Variants in ASIC2 observed in about 807,000 individuals in gnomAD.
ASIC2 encodes acid-sensing ion channel 2.
In ASIC2, 25 loss-of-function variants were observed where a neutral mutation model predicts 57.3. The ratio of observed to expected loss-of-function variants is 0.44; its 90% CI spans 0.32 to 0.61. The LOEUF is 0.61. Ranked by LOEUF, ASIC2 falls within the 20% of genes least tolerant of loss-of-function variation. The pLI, the probability that ASIC2 is intolerant of heterozygous loss-of-function variation, is 0.06. For synonymous variants in ASIC2, 319 were observed against 307.5 expected, an observed-to-expected ratio of 1.04 and a Z score of -0.39; for missense variants, 641 against 738.1, an observed-to-expected ratio of 0.87 and a Z score of 1.52.
chr17:34,096,249 T>A (rs1354263037), intron 1 of ASIC2, among the ~76,000 whole-genome samples: 2 of 151,980 alleles, frequency 1.3e-5, no homozygotes, highest in African/African-American at 2.4e-5. Context: ...ACTTGAAGGA[T>A]ATGGAGGAGT....
intron 1 of ASIC2, among the ~76,000 whole-genome samples, chr17:33,736,469 G>T (rs925644485): frequency 6.6e-6 from 1 of 152,108 alleles, no homozygotes; most frequent in African/African-American, 2.4e-5. Flanking sequence ...ACAGCCCCCT[G>T]CCTCAGTGTC....
intron 9 of ASIC2, among the ~76,000 whole-genome samples, chr17:33,014,670 G>T (rs1034507399): frequency 5.3e-5 from 8 of 152,190 alleles, no homozygotes; most frequent in African/African-American, 1.9e-4. Flanking sequence ...AGGCTGGGAG[G>T]GATGGGAGCA....
At chr17:33,826,107 C>T (rs1253447738) in intron 1 of ASIC2, among the ~76,000 whole-genome samples, 1 of 152,146 alleles carries the variant, frequency 6.6e-6, no homozygotes, top group Non-Finnish European at 1.5e-5. Flanking sequence ...TCTACCAATT[C>T]CCTTTTGGGA....
At chr17:34,082,513 T>C (rs1909925787) in intron 1 of ASIC2, among the ~76,000 whole-genome samples, 1 of 152,232 alleles carries the variant, frequency 6.6e-6, no homozygotes, top group Non-Finnish European at 1.5e-5. Flanking sequence ...GCTCACTGCA[T>C]TGCCTGTTTT....
At chr17:33,646,841 G>A (rs1189850852) in intron 1 of ASIC2, among the ~76,000 whole-genome samples, 1 of 152,074 alleles carries the variant, frequency 6.6e-6, no homozygotes, top group Non-Finnish European at 1.5e-5. Flanking sequence ...GAGTGACAGA[G>A]TAAAGTAGGG....
chr17:33,990,858 A>T (rs968605142), intron 1 of ASIC2, among the ~76,000 whole-genome samples: 11 of 152,262 alleles, frequency 7.2e-5, no homozygotes. Context: ...AAATAAAAAA[A>T]TTTCAAATAA....
At chr17:33,284,293 A>G (rs1328918516) in intron 1 of ASIC2, among the ~76,000 whole-genome samples, 1 of 152,166 alleles carries the variant, frequency 6.6e-6, no homozygotes, top group African/African-American at 2.4e-5. Context: ...GTTTGGCACC[A>G]TTTCCTCATG....
At chr17:33,197,111 A>G (rs183303515) in intron 1 of ASIC2, among the ~76,000 whole-genome samples, 5 of 152,362 alleles carry the variant, frequency 3.3e-5, no homozygotes, top group Admixed American at 2.6e-4. Flanking sequence ...TAAAATGGGT[A>G]GAGAGTGAAG....
intron 1 of ASIC2, among the ~76,000 whole-genome samples, chr17:33,316,022 C>G (rs1307763253): frequency 6.6e-6 from 1 of 152,216 alleles, no homozygotes; most frequent in Non-Finnish European, 1.5e-5. Context: ...AGTGAGCACA[C>G]AGGTGTAAAA....
At chr17:33,158,869 A>G (rs1197189438) in intron 1 of ASIC2, among the ~76,000 whole-genome samples, 2 of 152,260 alleles carry the variant, frequency 1.3e-5, no homozygotes, top group African/African-American at 4.8e-5. Context: ...AGTGAGGTGT[A>G]GAAATTTACT....
intron 9 of ASIC2, among the ~76,000 whole-genome samples, chr17:33,015,100 G>C (rs1334166701): frequency 2.0e-5 from 3 of 152,172 alleles, no homozygotes; most frequent in Admixed American, 6.5e-5. Flanking sequence ...ATCAAAGCAA[G>C]ATTTGTAGAC....
intron 1 of ASIC2, among the ~76,000 whole-genome samples, chr17:33,415,305 C>G (rs924683885): frequency 6.6e-6 from 1 of 152,178 alleles, no homozygotes; most frequent in Non-Finnish European, 1.5e-5. Flanking sequence ...TTCATGTAAC[C>G]TACACATATC....
chr17:33,476,492 A>C (rs1913224625), intron 1 of ASIC2, among the ~76,000 whole-genome samples: 1 of 74,312 alleles, frequency 1.3e-5, no homozygotes, highest in African/African-American at 4.6e-5. Context: ...CCTTTTGCAA[A>C]GTGTGTGTGT....
intron 1 of ASIC2, among the ~76,000 whole-genome samples, chr17:33,437,970 A>G (rs1436817429): frequency 6.6e-6 from 1 of 152,176 alleles, no homozygotes; most frequent in East Asian, 1.9e-4. Context: ...GGCAACCAAG[A>G]AAGAGCTAAG....
chr17:33,470,490 A>G (rs1913013105), intron 1 of ASIC2, among the ~76,000 whole-genome samples: 1 of 152,172 alleles, frequency 6.6e-6, no homozygotes, highest in Non-Finnish European at 1.5e-5. Context: ...TTGTTAAAAT[A>G]CAGATTCCTG....
At chr17:33,800,135 A>G (rs1332540426) in intron 1 of ASIC2, among the ~76,000 whole-genome samples, 2 of 152,040 alleles carry the variant, frequency 1.3e-5, no homozygotes, top group East Asian at 3.9e-4. Context: ...CTTCAGCTGC[A>G]TCTGCATCTC....
At chr17:33,294,288 G>A (rs1597670508), upstream of ASIC2, among the ~76,000 whole-genome samples, 1 of 152,188 alleles carries the variant, frequency 6.6e-6, no homozygotes. Context: ...GTGGGAGGAT[G>A]CTCCAGTGGA....
At chr17:33,932,852 T>C (rs1176215297) in intron 1 of ASIC2, among the ~76,000 whole-genome samples, 2 of 151,156 alleles carry the variant, frequency 1.3e-5, no homozygotes, top group Non-Finnish European at 2.9e-5. Flanking sequence ...TAAATTTCTA[T>C]TGGGCAATGC....
Position 33,995,969 on chromosome 17 carries a change from C to T in ASIC2, c.555+160009G>A, listed in dbSNP as rs113223537. Among the ~76,000 whole-genome samples the T allele has an allele frequency of 3.7e-3, 560 of 152,262 alleles. 4 individuals carry two copies. The highest frequency in any genetic ancestry group is 0.013 in the African/African-American group (534 of 41,560). On this transcript the variant is annotated intron_variant, in intron 1 of 9. Transcript: ENST00000359872. ...TAGCAATTTACATTCCCACCAACAG[C>T]GTACAAGGGTTTCCTTTTCTCCATA...
Sources: gnomAD v4.1 joint callset for allele counts (sites outside exome capture counted in the v4.1 genomes callset) on GRCh38, gnomAD v4.1.1 for gene constraint, MANE v1.5 for transcripts, NCBI Gene and HGNC (gene_info 2026-07-23, HGNC 2026-07-21) for gene names.